DUSP16: variants seen among roughly 807,000 people sequenced by gnomAD.
The protein encoded by DUSP16 is dual specificity phosphatase 16, also known as dual specificity protein phosphatase 16.
Under a neutral mutation model 58.3 loss-of-function variants are expected in DUSP16, and 21 were observed. The ratio of observed to expected loss-of-function variants is 0.36; its 90% confidence interval spans 0.26 to 0.52. The LOEUF is 0.52. DUSP16 is among the 20% of genes least tolerant of loss of function. DUSP16 has a pLI of 0.94. For synonymous variants in DUSP16, 320 were observed against 323.8 expected, an observed-to-expected ratio of 0.99 and a Z score of 0.12; for missense variants, 726 against 819.0, an observed-to-expected ratio of 0.89 and a Z score of 1.39.
Position 12,521,063 on chromosome 12 carries a change from A to C in DUSP16, c.36T>G (p.Thr12=), listed in dbSNP as rs759351713. 2.5e-6 allele frequency: 4 copies of C among 1,614,168 alleles called. No homozygotes were observed. In the South Asian group the frequency reaches 4.4e-5, roughly 18 times the overall value. The change falls in exon 2 of 7, where the codon ACT becomes ACG. Residue 12 remains threonine (T), a synonymous_variant. Coordinates refer to ENST00000298573, the MANE Select transcript of DUSP16 (RefSeq NM_030640.3). The stretch of plus-strand genomic sequence containing the variant: ...TTTCCAGCAGAGCCACCAACCTCTC[A>C]GTAACAATTTGAGTTCCAATCATCT... ...AHEMIGTQIV[T]ERLVALLESG... is the part of the protein sequence containing the mutation.
rs1944928384 is a variant in DUSP16, at chr12:12,562,847, C to T, written c.-1096G>A. On this transcript the variant is annotated 5_prime_UTR_variant, in exon 1 of 7. Coordinates refer to ENST00000298573, the MANE Select transcript of DUSP16 (RefSeq NM_030640.3). ...GGAGGGGTCAGGTCATGTTCCCTTC[C>T]AGAGTCCGGCGACTCTGAGGCAGGT... Among the ~76,000 whole-genome samples the T allele has an allele frequency of 3.3e-5, 5 of 151,964 alleles. No homozygotes were observed. The South Asian group carries it at 1.0e-3, about 32-fold the overall frequency.
chr12:12,512,609 T>C (rs1175880991), intron 3 of DUSP16, among the ~76,000 whole-genome samples: 1 of 152,230 alleles, frequency 6.6e-6, no homozygotes. Flanking sequence ...ATTAGCATAA[T>C]GTCCTCCAGG....
In DUSP16 at chr12:12,540,944, C is replaced by CTTTTTTTTTT. The variant is rs1199026965; in HGVS notation, c.-365-19482_-365-19481insAAAAAAAAAA. On this transcript the variant is annotated intron_variant, in intron 1 of 6. Transcript: ENST00000298573. ...CAGTTGCTTTTTTTTCTTTTCTTTT[C>CTTTTTTTTTT]TTTTCTTTTTTTTTTTTTTTTTTTT... Among the ~76,000 whole-genome samples the CTTTTTTTTTT allele has an allele frequency of 7.6e-4, 77 of 100,668 alleles. 1 individual carries two copies. Among genetic ancestry groups the CTTTTTTTTTT allele is most frequent in the African/African-American group, 1.0e-3 (25 of 24,706 alleles). The allele number at this position is 100,668 out of a possible 152,430, so 66.0% of individuals were successfully genotyped here.
In DUSP16 at chr12:12,478,044, G is replaced by A. The variant is rs201570533; in HGVS notation, c.816-29C>T. 3.3e-5 allele frequency: 49 copies of A among 1,491,618 alleles called. No individual in the cohort carries two copies. In the East Asian group the frequency reaches 8.0e-4, roughly 24 times the overall value. 92.4% of individuals were successfully genotyped at this position (1,491,618 alleles called of 1,614,324 possible). A position where few individuals can be genotyped will look rare whatever the true frequency, so the allele number is the denominator to read the frequency against. On this transcript the variant is annotated intron_variant, in intron 6 of 6. Transcript: ENST00000298573. ...CAGAGAGAGGAAAAAACAAAAACCC[G>A]AATTTTACAACTACACTTTATCTTA... is the stretch of plus-strand genomic sequence containing the variant.
chr12:12,529,946 G>A (rs1944361408), intron 1 of DUSP16, among the ~76,000 whole-genome samples: 1 of 152,114 alleles, frequency 6.6e-6, no homozygotes, highest in Non-Finnish European at 1.5e-5. Context: ...TTTGATAGAC[G>A]CTTAGGTTGA....
At chr12:12,487,212 A>G in intron 4 of DUSP16, 25 bp from the exon 5 acceptor site, 1 of 1,609,280 alleles carries the variant, frequency 6.2e-7, no homozygotes, top group Non-Finnish European at 8.5e-7. Flanking sequence ...AGTAGCAGTT[A>G]AAGTGACTAA....
chr12:12,561,947 A>C (rs1000162918), intron 1 of DUSP16, among the ~76,000 whole-genome samples, 170 bp downstream of exon 1: 1 of 150,054 alleles, frequency 6.7e-6, no homozygotes, highest in African/African-American at 2.4e-5. Flanking sequence ...CCGCCTCCCG[A>C]AAGGGTGGCC....
Position 12,521,079 on chromosome 12 carries a change from C to A in DUSP16, c.20G>T (p.Gly7Val). 6.2e-7 allele frequency: 1 copy of A among 1,614,146 alleles called. No homozygotes were observed. Among genetic ancestry groups the A allele is most frequent in the Non-Finnish European group, 8.5e-7 (1 of 1,180,026 alleles). Residue 7 changes from glycine (G) to valine (V), a missense_variant, in exon 2 of 7, where the codon GGA (glycine) becomes GTA (valine). Coordinates refer to ENST00000298573, the MANE Select transcript of DUSP16 (RefSeq NM_030640.3). ...CAACCTCTCAGTAACAATTTGAGTT[C>A]CAATCATCTCATGGGCCATGACAAC... is the stretch of plus-strand genomic sequence containing the variant. MAHEMIGTQIVTERLVA... is the reference protein window; with the variant it reads MAHEMIVTQIVTERLVA...
chr12:12,489,257 T>C (rs562764926), intron 4 of DUSP16, among the ~76,000 whole-genome samples: 2 of 152,224 alleles, frequency 1.3e-5, no homozygotes, highest in Non-Finnish European at 2.9e-5. Context: ...CTCATGCTTC[T>C]GTTAGGTTAA....
chr12:12,516,288 C>T (rs1944152939), intron 3 of DUSP16, among the ~76,000 whole-genome samples: 1 of 152,248 alleles, frequency 6.6e-6, no homozygotes, highest in East Asian at 1.9e-4. Flanking sequence ...TAGAGGGGTG[C>T]ACCACCACAC....
Position 12,484,683 on chromosome 12 carries a change from G to A in DUSP16, c.691+2345C>T, listed in dbSNP as rs767362892. Among the ~76,000 whole-genome samples, 6 of 152,018 alleles carry A rather than the reference G, an allele frequency of 3.9e-5. 1 individual carries two copies. Among genetic ancestry groups the A allele is most frequent in the Middle Eastern group, 6.4e-3 (2 of 314 alleles). ...GTTGCCAAGGCTGGAGTGCAATGGC[G>A]TGGTCTCGGCTCACTGCAACCTCCA... On this transcript the variant is annotated intron_variant, in intron 5 of 6. Coordinates refer to ENST00000298573, the MANE Select transcript of DUSP16 (RefSeq NM_030640.3).
At chr12:12,485,072 C>G (rs919692675) in intron 5 of DUSP16, among the ~76,000 whole-genome samples, 2 of 147,532 alleles carry the variant, frequency 1.4e-5, no homozygotes, top group Non-Finnish European at 3.0e-5. Flanking sequence ...TGCAGTGGCG[C>G]GATCTTGGCT....
chr12:12,479,977 G>C (rs1405663884), intron 6 of DUSP16, among the ~76,000 whole-genome samples: 1 of 152,220 alleles, frequency 6.6e-6, no homozygotes, highest in African/African-American at 2.4e-5. Context: ...GCCTGGATCT[G>C]TTGTTCCTTA....
chr12:12,542,435 T>C (rs112793632), intron 1 of DUSP16, among the ~76,000 whole-genome samples: 1,982 of 135,042 alleles, frequency 0.015, 48 homozygotes, highest in African/African-American at 0.051. Context: ...GGCAAATGCA[T>C]AGGGACAGGA....
chr12:12,501,430 T>TTCA (rs1943908842), intron 3 of DUSP16, among the ~76,000 whole-genome samples: 1 of 152,230 alleles, frequency 6.6e-6, no homozygotes, highest in Admixed American at 6.5e-5. Context: ...ATCTGCTCTA[T>TTCA]GACCTTCACT....
intron 4 of DUSP16, among the ~76,000 whole-genome samples, chr12:12,489,035 G>A (rs756011961): frequency 3.3e-5 from 5 of 152,166 alleles, no homozygotes; most frequent in Admixed American, 6.5e-5. Flanking sequence ...AGCTGAGATC[G>A]CGCCATTGCA....
At chr12:12,550,103 T>C (rs187840386) in intron 1 of DUSP16, among the ~76,000 whole-genome samples, 36 of 152,160 alleles carry the variant, frequency 2.4e-4, no homozygotes, top group Middle Eastern at 6.8e-3. Flanking sequence ...TGAAACCCTG[T>C]CTCTACTAAA....
chr12:12,476,980 G>A lies in DUSP16; in HGVS notation c.1851C>T (p.Ser617=), dbSNP rs1943453684. 3 of 1,614,184 alleles carry A rather than the reference G, an allele frequency of 1.9e-6. No individual in the cohort carries two copies. Among genetic ancestry groups the A allele is most frequent in the Non-Finnish European group, 2.5e-6 (3 of 1,180,048 alleles). The change falls in exon 7 of 7, where the codon AGC becomes AGT. Residue 617 remains serine (S), a synonymous_variant. Coordinates refer to ENST00000298573, the MANE Select transcript of DUSP16 (RefSeq NM_030640.3). ...TGCGTTTAAACTGCTTTTCAAAGGG[G>A]CTCTCTTCATGCCAGCTCCGCCGCG... ...ADSRRSWHEE[S]PFEKQFKRRS... is the part of the protein sequence containing the mutation.
Position 12,473,565 on chromosome 12 carries a change from A to C in DUSP16, c.*3268T>G, listed in dbSNP as rs182731176. On this transcript the variant is annotated 3_prime_UTR_variant, in exon 7 of 7. Coordinates refer to ENST00000298573, the MANE Select transcript of DUSP16 (RefSeq NM_030640.3). ...CTGGCCAAGATAGCTCTTCTAGTCT[A>C]GCTCACCCGGCCCAATCTTTCTTAT... Among the ~76,000 whole-genome samples, 268 of 152,248 alleles carry C rather than the reference A, an allele frequency of 1.8e-3. 2 individuals are homozygous for C. The highest frequency in any genetic ancestry group is 3.5e-3 in the South Asian group (17 of 4,810).
Sources: gnomAD v4.1 joint callset for allele counts (sites outside exome capture counted in the v4.1 genomes callset) on GRCh38, gnomAD v4.1.1 for gene constraint, MANE v1.5 for transcripts, NCBI Gene and HGNC (gene_info 2026-07-23, HGNC 2026-07-21) for gene names.